Variants in XPNPEP2 observed in about 807,000 individuals in gnomAD.
XPNPEP2 encodes the protein xaa-Pro aminopeptidase 2.
A neutral mutation model predicts 59.8 loss-of-function variants in XPNPEP2; 64 were observed. The observed-to-expected ratio is 1.07, with a 90% CI of 0.87 to 1.32. XPNPEP2 has a LOEUF of 1.32. Ranked by LOEUF, XPNPEP2 falls within the 40% of genes most tolerant of loss-of-function variation. The pLI is 0.00. For missense variants in XPNPEP2, 575 were observed against 546.8 expected (o/e 1.05, Z -0.51); for synonymous variants, 235 against 210.0 (o/e 1.12, Z -1.03).
intron 14 of XPNPEP2, 86 bp downstream of exon 14, chrX:129,756,641 T>G: frequency 1.0e-6 from 1 of 965,901 alleles, no homozygotes; most frequent in Non-Finnish European, 1.5e-6. Context: ...TTTCCCTTCC[T>G]GGGCCACGGA....
At chrX:129,752,067 G>T in intron 9 of XPNPEP2, 83 bp from the exon 10 acceptor site, 1 of 1,107,439 alleles carries the variant, frequency 9.0e-7, no homozygotes, top group South Asian at 2.1e-5. Context: ...TGACCTCCAG[G>T]AACAGAGGGA....
intron 7 of XPNPEP2, among the ~76,000 whole-genome samples, chrX:129,748,693 T>C (rs928075529): frequency 2.0e-4 from 22 of 112,544 alleles, no homozygotes; most frequent in African/African-American, 6.8e-4. Flanking sequence ...CTTGACACCA[T>C]TTTTAAAGAA....
chrX:129,754,316 A>G (rs950818239), intron 11 of XPNPEP2, among the ~76,000 whole-genome samples, 156 bp from the exon 12 acceptor site: 2 of 112,547 alleles, frequency 1.8e-5, no homozygotes, highest in Non-Finnish European at 3.8e-5. Flanking sequence ...CACTATGATC[A>G]TATATAAACA....
intron 6 of XPNPEP2, 136 bp from the exon 7 acceptor site, chrX:129,747,471 A>C: frequency 1.2e-6 from 1 of 847,561 alleles, no homozygotes; most frequent in Non-Finnish European, 1.7e-6. Context: ...GGGGGTGGGC[A>C]GGCTGCTGGG....
intron 18 of XPNPEP2, 59 bp downstream of exon 18, chrX:129,762,124 A>G: frequency 8.8e-7 from 1 of 1,138,284 alleles, no homozygotes; most frequent in Admixed American, 2.2e-5. Context: ...CTAGCCCAGG[A>G]CTGCAGTCTA....
Position 129,767,653 on chromosome X carries a change from C to A in XPNPEP2, c.1791C>A (p.Asp597Glu). Residue 597 changes from aspartate (D) to glutamate (E), a missense_variant, in exon 20 of 21, where the codon GAC becomes GAA. Coordinates refer to ENST00000371106, the MANE Select transcript of XPNPEP2 (RefSeq NM_003399.6). ...AAGTGGTATCATTTGTGCCCTATGA[C>A]CGGAACCTCATCGATGTCAGCCTGC... Reference protein sequence around the residue: ...TFEVVSFVPYDRNLIDVSLLS... With the variant: ...TFEVVSFVPYERNLIDVSLLS... 8.3e-7 allele frequency: 1 copy of A among 1,211,749 alleles called. No individual in the cohort carries two copies. The highest frequency in any genetic ancestry group is 1.1e-6 in the Non-Finnish European group (1 of 895,483).
In XPNPEP2 at chrX:129,742,121, C is replaced by T. The variant is rs774839343; in HGVS notation, c.63C>T (p.Gly21=). 65 of 1,208,311 alleles carry T rather than the reference C, an allele frequency of 5.4e-5. 1 individual carries two copies. Among genetic ancestry groups the T allele is most frequent in the Non-Finnish European group, 6.4e-5 (57 of 894,143 alleles). The part of the protein sequence containing the change: ...WLVLLCACAW[G]HTKPVDLGGQ... The stretch of plus-strand genomic sequence containing the variant: ...CCCGGCTTCTAGCTTGTGCCTGGGG[C>T]CACACAAAGCCAGTGGACCTTGGAG... The change falls in exon 2 of 21, where the codon GGC becomes GGT. Residue 21 remains glycine (G), a synonymous_variant. Coordinates refer to ENST00000371106, the MANE Select transcript of XPNPEP2 (RefSeq NM_003399.6).
At chrX:129,743,659 C>A (rs1926240755) in intron 2 of XPNPEP2, among the ~76,000 whole-genome samples, 1 of 112,228 alleles carries the variant, frequency 8.9e-6, no homozygotes, top group African/African-American at 3.2e-5. Context: ...AGAGCTCAGA[C>A]CCCTGCAGTT....
At chrX:129,745,529 C>A (rs1926277285) in intron 4 of XPNPEP2, among the ~76,000 whole-genome samples, 1 of 111,738 alleles carries the variant, frequency 8.9e-6, no homozygotes, top group Non-Finnish European at 1.9e-5. Context: ...CAACCAGGCC[C>A]AGTCCAGCAC....
intron 2 of XPNPEP2, among the ~76,000 whole-genome samples, chrX:129,742,923 C>A (rs1034766751): frequency 2.7e-5 from 3 of 110,722 alleles, no homozygotes; most frequent in Non-Finnish European, 3.8e-5. Flanking sequence ...AAAACAAAAC[C>A]AAAACCAAAG....
At chrX:129,740,803 T>A (rs1926161616) in intron 1 of XPNPEP2, among the ~76,000 whole-genome samples, 1 of 105,662 alleles carries the variant, frequency 9.5e-6, no homozygotes, top group African/African-American at 3.5e-5. Flanking sequence ...TAGCTGGGTG[T>A]GGTGGGTGCA....
chrX:129,758,590 G>C (rs1383141961), intron 14 of XPNPEP2, among the ~76,000 whole-genome samples: 1 of 111,408 alleles, frequency 9.0e-6, no homozygotes, highest in African/African-American at 3.3e-5. Flanking sequence ...GCCATGGAGA[G>C]GACTGTGTGG....
Position 129,761,223 on chromosome X carries a change from A to G in XPNPEP2, c.1550A>G (p.Asn517Ser), listed in dbSNP as rs756262079. 1.7e-6 allele frequency: 2 copies of G among 1,211,910 alleles called. No homozygotes were observed. The highest frequency in any genetic ancestry group is 3.0e-5 in the East Asian group (1 of 33,852). ...AGAGCCTTGTGGGATGCTGGTCTCA[A>G]TTATGGTCATGGGACAGGCCACGGC... ...ARRALWDAGL[N>S]YGHGTGHGIG... Residue 517 changes from asparagine to serine, a missense_variant, in exon 17 of 21, where the codon AAT becomes AGT. By Grantham distance (46) the Asn-to-Ser change is conservative. Coordinates refer to ENST00000371106, the MANE Select transcript of XPNPEP2 (RefSeq NM_003399.6).
At chrX:129,759,071 C>G in intron 14 of XPNPEP2, 109 bp from the exon 15 acceptor site, 2 of 919,238 alleles carry the variant, frequency 2.2e-6, no homozygotes, top group Non-Finnish European at 3.1e-6. Context: ...TTCCTTTCGC[C>G]GTCCACCCAT....
intron 20 of XPNPEP2, 94 bp downstream of exon 20, chrX:129,767,786 G>A (rs1181705453): frequency 1.0e-6 from 1 of 960,041 alleles, no homozygotes; most frequent in East Asian, 3.1e-5. Flanking sequence ...CCCTCCTCCA[G>A]GAGGGTCCAC....
intron 8 of XPNPEP2, among the ~76,000 whole-genome samples, 154 bp from the exon 9 acceptor site, chrX:129,751,562 GAAAGAAAGAAAGAAAGAAAGAAAGAAAGA>G (rs1926403204): frequency 1.6e-5 from 1 of 60,930 alleles, no homozygotes; most frequent in African/African-American, 6.9e-5. Flanking sequence ...AAGAAAGAAA[GAAAGAAAGAAAGAAAGAAAGAAAGAAAGA>G]AAGAAAGGAA....
At chrX:129,746,827 T>C in intron 6 of XPNPEP2, 146 bp downstream of exon 6, 1 of 522,806 alleles carries the variant, frequency 1.9e-6, no homozygotes, top group Non-Finnish European at 3.3e-6. Context: ...GCAGAATGTT[T>C]TGCAATGAGG....
chrX:129,761,247 G>A lies in XPNPEP2; in HGVS notation c.1574G>A (p.Gly525Asp). The A allele has an allele frequency of 1.7e-6, 2 of 1,211,902 alleles. No homozygotes were observed. Among genetic ancestry groups the A allele is most frequent in the Non-Finnish European group, 2.2e-6 (2 of 895,450 alleles). Residue 525 changes from glycine to aspartate, a missense_variant, in exon 17 of 21, where the codon GGC becomes GAC. Physicochemically the swap from Gly to Asp is moderately conservative, Grantham distance 94. Transcript: ENST00000371106. ...GLNYGHGTGH[G>D]IGNFLCVHEW... ...AATTATGGTCATGGGACAGGCCACG[G>A]CATTGGCAACTTCCTGTGTGTGCAT...
chrX:129,747,427 AC>A (rs1926317937), intron 6 of XPNPEP2, among the ~76,000 whole-genome samples, 179 bp from the exon 7 acceptor site: 1 of 108,385 alleles, frequency 9.2e-6, no homozygotes. Flanking sequence ...AGGATGAGAA[AC>A]ATACCCCAGC....
Sources: allele counts gnomAD v4.1 joint callset (sites outside exome capture counted in the v4.1 genomes callset), GRCh38; gene constraint gnomAD v4.1.1; transcripts MANE v1.5; gene names NCBI Gene and HGNC (gene_info 2026-07-23, HGNC 2026-07-21).